Variants in MAPK10 observed in about 807,000 individuals in gnomAD.
MAPK10 encodes the protein mitogen-activated protein kinase 10, also known as JNK3 alpha protein kinase.
A neutral mutation model predicts 59.3 loss-of-function variants in MAPK10; 25 were observed. The ratio of observed to expected loss-of-function variants is 0.42; its 90% CI spans 0.31 to 0.59. MAPK10 has a LOEUF of 0.59. MAPK10 is among the 20% of genes least tolerant of loss of function. The pLI, the probability that MAPK10 is intolerant of heterozygous loss-of-function variation, is 0.15. For synonymous variants in MAPK10, 190 were observed against 200.5 expected, an observed-to-expected ratio of 0.95 and a Z score of 0.44; for missense variants, 351 against 568.9, an observed-to-expected ratio of 0.62 and a Z score of 3.90.
intron 1 of MAPK10, among the ~76,000 whole-genome samples, chr4:86,513,487 G>A (rs1350285456): frequency 6.6e-6 from 1 of 152,160 alleles, no homozygotes; most frequent in African/African-American, 2.4e-5. Flanking sequence ...GGCTAATAAG[G>A]AGATGTCTGT....
intron 9 of MAPK10, among the ~76,000 whole-genome samples, chr4:86,071,292 G>A (rs2047893145): frequency 6.8e-6 from 1 of 147,538 alleles, no homozygotes; most frequent in African/African-American, 2.6e-5. Flanking sequence ...CTGGATATTA[G>A]CCCTTTGTCA....
intron 9 of MAPK10, chr4:86,098,293 C>A: frequency 2.5e-6 from 1 of 407,756 alleles, no homozygotes; most frequent in Non-Finnish European, 4.1e-6. Context: ...TAGTTGCAGG[C>A]AAGAAAGTAA....
intron 2 of MAPK10, among the ~76,000 whole-genome samples, chr4:86,211,032 A>G (rs192353065): frequency 0.09 from 12,895 of 143,560 alleles, 1,211 homozygotes; most frequent in African/African-American, 0.24. Context: ...AAAAATTATT[A>G]ATTATGAAGA....
chr4:86,402,347 C>G (rs1743833592), intron 1 of MAPK10, among the ~76,000 whole-genome samples: 1 of 152,110 alleles, frequency 6.6e-6, no homozygotes. Flanking sequence ...CATTTATCAC[C>G]ACGGGCTCTC....
At chr4:86,289,279 G>C (rs2095141309) in intron 2 of MAPK10, among the ~76,000 whole-genome samples, 1 of 152,182 alleles carries the variant, frequency 6.6e-6, no homozygotes, top group Non-Finnish European at 1.5e-5. Context: ...CCAGGGGCTA[G>C]ATTATATAGG....
At chr4:86,394,575 CT>C (rs1414530176) in intron 1 of MAPK10, among the ~76,000 whole-genome samples, 1 of 151,580 alleles carries the variant, frequency 6.6e-6, no homozygotes, top group Non-Finnish European at 1.5e-5. Flanking sequence ...TTTTTTTCAG[CT>C]GAGAAACATT....
At chr4:86,516,318 T>C (rs752976005) in intron 1 of MAPK10, among the ~76,000 whole-genome samples, 5 of 152,228 alleles carry the variant, frequency 3.3e-5, no homozygotes, top group Non-Finnish European at 7.4e-5. Context: ...GGTAATGTGA[T>C]GTCTCCAGAT....
At chr4:86,267,923 G>T (rs545942647) in intron 2 of MAPK10, among the ~76,000 whole-genome samples, 1 of 152,032 alleles carries the variant, frequency 6.6e-6, no homozygotes, top group African/African-American at 2.4e-5. Context: ...TCATTACTTG[G>T]CTCGCTCTAT....
intron 3 of MAPK10, among the ~76,000 whole-genome samples, chr4:86,164,840 A>T (rs992545616): frequency 1.3e-5 from 2 of 152,158 alleles, no homozygotes; most frequent in Admixed American, 6.6e-5. Context: ...AATTAATATG[A>T]ATTAAAGTTT....
intron 13 of MAPK10, among the ~76,000 whole-genome samples, chr4:86,019,498 C>T (rs978892897): frequency 2.6e-5 from 4 of 152,100 alleles, no homozygotes; most frequent in Non-Finnish European, 4.4e-5. Context: ...ATTATATCCC[C>T]CATAGCTATG....
intron 4 of MAPK10, among the ~76,000 whole-genome samples, chr4:86,146,258 A>G (rs1045109972): frequency 6.6e-6 from 1 of 152,220 alleles, no homozygotes; most frequent in African/African-American, 2.4e-5. Flanking sequence ...ATTCAACTGA[A>G]GGCAAGCCTG....
intron 1 of MAPK10, among the ~76,000 whole-genome samples, chr4:86,382,840 C>T (rs1177600179): frequency 6.6e-6 from 1 of 152,158 alleles, no homozygotes; most frequent in Non-Finnish European, 1.5e-5. Context: ...ACGTGACAGG[C>T]AGTGGAGTAT....
chr4:86,524,707 C>T (rs1757345422), intron 1 of MAPK10, among the ~76,000 whole-genome samples: 1 of 152,178 alleles, frequency 6.6e-6, no homozygotes. Context: ...TCTCTCTCCC[C>T]TTTCTATTAC....
At chr4:86,451,476 G>A (rs1417054053) in intron 1 of MAPK10, among the ~76,000 whole-genome samples, 1 of 152,170 alleles carries the variant, frequency 6.6e-6, no homozygotes, top group African/African-American at 2.4e-5. Flanking sequence ...CATTTTATAT[G>A]GATACTAACT....
intron 11 of MAPK10, among the ~76,000 whole-genome samples, chr4:86,039,724 C>A (rs112689288): frequency 1.3e-5 from 2 of 152,342 alleles, no homozygotes; most frequent in African/African-American, 4.8e-5. Context: ...AAGTAGCCCC[C>A]TGTGGACCCA....
chr4:86,232,556 G>A (rs1324099407), intron 2 of MAPK10, among the ~76,000 whole-genome samples: 1 of 151,950 alleles, frequency 6.6e-6, no homozygotes, highest in Non-Finnish European at 1.5e-5. Flanking sequence ...TGTATTTTTA[G>A]TAGAGACAGG....
At chr4:86,369,386 TCTAA>T (rs1427462959) in intron 1 of MAPK10, among the ~76,000 whole-genome samples, 46 of 152,212 alleles carry the variant, frequency 3.0e-4, no homozygotes, top group African/African-American at 8.9e-4. Flanking sequence ...TTTTCAATCA[TCTAA>T]CTAATTGGTG....
At position 86,136,255 on chromosome 4, in the gene MAPK10, A is replaced by G. The variant is rs373081181; in HGVS notation, c.236+23043T>C. The stretch of plus-strand genomic sequence containing the variant: ...TTGTCAGATTCACCAAAGTTGAAAT[A>G]AAGGAAAAAATGTTAAGGGCAGCCA... On this transcript the variant is annotated intron_variant, in intron 4 of 13. Transcript: ENST00000641462. Among the ~76,000 whole-genome samples the G allele has an allele frequency of 1.8e-4, 27 of 152,188 alleles. 1 individual carries two copies. The South Asian group carries it at 1.9e-3, about 11-fold the overall frequency.
chr4:86,194,685 T>C (rs2149317168), intron 2 of MAPK10, among the ~76,000 whole-genome samples: 1 of 152,044 alleles, frequency 6.6e-6, no homozygotes, highest in East Asian at 1.9e-4. Context: ...GGGAAATACA[T>C]CCTGTTATAA....
Sources: allele counts gnomAD v4.1 joint callset (sites outside exome capture counted in the v4.1 genomes callset), GRCh38; gene constraint gnomAD v4.1.1; transcripts MANE v1.5; gene names NCBI Gene and HGNC (gene_info 2026-07-23, HGNC 2026-07-21).